The following PLXNA4 variants were observed in gnomAD, a reference collection of about 807,000 sequenced individuals.
PLXNA4 encodes the protein plexin-A4.
A neutral mutation model predicts 191.8 loss-of-function variants in PLXNA4; 44 were observed. That is an observed-to-expected ratio of 0.23 (90% CI 0.18 to 0.29). The LOEUF is 0.29. Ranked by LOEUF, PLXNA4 falls within the 10% of genes least tolerant of loss-of-function variation. The pLI, the probability that PLXNA4 is intolerant of heterozygous loss-of-function variation, is 1.00. For synonymous variants in PLXNA4, 1,082 were observed against 1,009.5 expected (o/e 1.07, Z -1.36); for missense variants, 1,800 against 2,488.8 (o/e 0.72, Z 5.89).
intron 3 of PLXNA4, among the ~76,000 whole-genome samples, chr7:132,423,497 T>C (rs1486705766): frequency 2.0e-5 from 3 of 152,164 alleles, no homozygotes; most frequent in Non-Finnish European, 4.4e-5. Context: ...AGCAGGAAGT[T>C]GCAGAGAGCT....
In PLXNA4 at chr7:132,240,657, G is replaced by A. The variant is rs116067076; in HGVS notation, c.1604+409C>T. ...CAGCATATATCTTGTTTATGATTTCGGGGCCAGTAAGAAGCTACAGAAAAA... is the reference window on the plus strand; with the variant it reads ...CAGCATATATCTTGTTTATGATTTCAGGGCCAGTAAGAAGCTACAGAAAAA... On this transcript the variant is annotated intron_variant, in intron 5 of 31. Transcript: ENST00000321063. Among the ~76,000 whole-genome samples, 757 of 152,268 alleles carry A rather than the reference G, an allele frequency of 5.0e-3. 6 individuals are homozygous for A. The highest frequency in any genetic ancestry group is 0.018 in the African/African-American group (729 of 41,554).
chr7:132,566,600 T>C (rs1801735358), intron 1 of PLXNA4, among the ~76,000 whole-genome samples: 2 of 152,168 alleles, frequency 1.3e-5, no homozygotes, highest in African/African-American at 2.4e-5. Context: ...AAGCCTCTTA[T>C]TCAAGCAGTT....
intron 21 of PLXNA4, among the ~76,000 whole-genome samples, chr7:132,170,382 T>C (rs10954364): frequency 0.36 from 54,574 of 151,740 alleles, 11,574 homozygotes; most frequent in African/African-American, 0.58. Context: ...CACTTCTTTC[T>C]GCCATCTCCA....
intron 20 of PLXNA4, among the ~76,000 whole-genome samples, chr7:132,178,732 TTGTAAATGAA>T (rs1796566398): frequency 5.4e-5 from 2 of 37,198 alleles, no homozygotes; most frequent in African/African-American, 3.7e-4. Context: ...ACACACACAC[TTGTAAATGAA>T]ACACATACAC....
At chr7:132,278,233 T>A (rs1800348924) in intron 4 of PLXNA4, among the ~76,000 whole-genome samples, 1 of 152,180 alleles carries the variant, frequency 6.6e-6, no homozygotes. Flanking sequence ...GTGTGCAAGA[T>A]ATGGCACAGA....
intron 3 of PLXNA4, among the ~76,000 whole-genome samples, chr7:132,429,049 G>A (rs767927501): frequency 1.4e-4 from 22 of 152,026 alleles, no homozygotes; most frequent in Non-Finnish European, 2.9e-4. Flanking sequence ...CTCAAAGGAC[G>A]GCTCAGAAAG....
intron 1 of PLXNA4, among the ~76,000 whole-genome samples, chr7:132,566,162 G>C (rs1303044213): frequency 2.6e-5 from 4 of 152,158 alleles, no homozygotes; most frequent in Admixed American, 2.0e-4. Context: ...GGAGCACCGT[G>C]CCTGCACCAA....
At chr7:132,334,252 C>CTTTTTTTTTTTTTTT (rs71529758) in intron 3 of PLXNA4, among the ~76,000 whole-genome samples, 15 of 75,602 alleles carry the variant, frequency 2.0e-4, no homozygotes, top group Admixed American at 5.4e-4. Flanking sequence ...TTCTTTCTTT[C>CTTTTTTTTTTTTTTT]TTTTTTTTTT....
intron 2 of PLXNA4, among the ~76,000 whole-genome samples, chr7:132,621,461 A>T (rs564835010): frequency 1.6e-4 from 25 of 152,054 alleles, no homozygotes; most frequent in African/African-American, 6.0e-4. Flanking sequence ...GGGTTTCACC[A>T]TGTTGGCCAG....
At chr7:132,621,467 G>A (rs946615138) in intron 2 of PLXNA4, among the ~76,000 whole-genome samples, 2 of 151,952 alleles carry the variant, frequency 1.3e-5, no homozygotes, top group South Asian at 4.2e-4. Flanking sequence ...CACCATGTTG[G>A]CCAGGATGGT....
At chr7:132,460,893 G>A (rs1796480151) in intron 3 of PLXNA4, among the ~76,000 whole-genome samples, 1 of 151,998 alleles carries the variant, frequency 6.6e-6, no homozygotes, top group Admixed American at 6.6e-5. Context: ...TCTTTGTAAG[G>A]CTGAACAAAC....
chr7:132,457,624 G>C (rs1319989260), intron 3 of PLXNA4, among the ~76,000 whole-genome samples: 1 of 152,212 alleles, frequency 6.6e-6, no homozygotes. Flanking sequence ...TCTAGAGCAA[G>C]AGACTTTGCA....
intron 4 of PLXNA4, among the ~76,000 whole-genome samples, chr7:132,281,029 A>G (rs1031315349): frequency 2.0e-5 from 3 of 152,156 alleles, no homozygotes; most frequent in Non-Finnish European, 4.4e-5. Context: ...ATAAAGATAA[A>G]ATAGCATCTT....
chr7:132,251,557 T>A (rs114895500), intron 4 of PLXNA4, among the ~76,000 whole-genome samples: 2,083 of 152,292 alleles, frequency 0.014, 49 homozygotes, highest in African/African-American at 0.048. Context: ...AGGCACTCCC[T>A]TCTCCATCTA....
At chr7:132,173,635 A>G (rs1796360155) in intron 21 of PLXNA4, among the ~76,000 whole-genome samples, 3 of 152,208 alleles carry the variant, frequency 2.0e-5, no homozygotes. Context: ...CACGTTTGCT[A>G]CAGAGGTGCA....
chr7:132,409,283 A>G (rs558438540), intron 3 of PLXNA4, among the ~76,000 whole-genome samples: 44 of 152,310 alleles, frequency 2.9e-4, no homozygotes, highest in African/African-American at 1.0e-3. Flanking sequence ...GTACTGCAGT[A>G]GATGGCTTGG....
chr7:132,401,869 G>C lies in PLXNA4; in HGVS notation c.1371+87423C>G, dbSNP rs1480528630. Among the ~76,000 whole-genome samples, 3 of 152,152 alleles carry C rather than the reference G, an allele frequency of 2.0e-5. No homozygotes were observed. The East Asian group carries it at 5.8e-4, about 29-fold the overall frequency. ...TGCCAAGAGCAATTTTCAGCAAAAA[G>C]CCAATTCCCCAGAAGGCACTTGGCA... is the stretch of plus-strand genomic sequence containing the variant. On this transcript the variant is annotated intron_variant, in intron 3 of 31. Coordinates refer to ENST00000321063, the MANE Select transcript of PLXNA4 (RefSeq NM_020911.2).
chr7:132,426,103 G>A (rs529516783), intron 3 of PLXNA4, among the ~76,000 whole-genome samples: 1 of 152,354 alleles, frequency 6.6e-6, no homozygotes, highest in African/African-American at 2.4e-5. Flanking sequence ...CCTCAGAAAA[G>A]GGGAAAGAGG....
intron 2 of PLXNA4, among the ~76,000 whole-genome samples, chr7:132,605,006 A>G (rs553789854): frequency 9.2e-5 from 14 of 152,280 alleles, no homozygotes; most frequent in Non-Finnish European, 2.1e-4. Flanking sequence ...TCAACCTAAA[A>G]AGCAGTGCTT....
Sources: allele counts gnomAD v4.1 joint callset (sites outside exome capture counted in the v4.1 genomes callset), GRCh38; gene constraint gnomAD v4.1.1; transcripts MANE v1.5; gene names NCBI Gene and HGNC (gene_info 2026-07-23, HGNC 2026-07-21).